GRIA3: variants seen among roughly 807,000 people sequenced by gnomAD.
GRIA3 encodes the protein glutamate receptor 3.
Under a neutral mutation model 63.0 loss-of-function variants are expected in GRIA3, and 3 were observed. The ratio of observed to expected loss-of-function variants is 0.05; its 90% CI spans 0.02 to 0.12. The LOEUF (loss-of-function observed/expected upper bound fraction) is 0.12. Among genes scored for constraint, GRIA3 ranks in the 10% least tolerant of loss-of-function variants. The probability of loss-of-function intolerance (pLI) is 1.00; values close to 1 mark genes in which losing one functional copy is unlikely to be tolerated. For synonymous variants in GRIA3, 274 were observed against 257.9 expected (o/e 1.06, Z -0.60); for missense variants, 347 against 700.9 (o/e 0.50, Z 5.70).
At chrX:123,279,455 C>T (rs1335075937) in intron 3 of GRIA3, among the ~76,000 whole-genome samples, 2 of 111,966 alleles carry the variant, frequency 1.8e-5, no homozygotes, top group Non-Finnish European at 3.8e-5. Flanking sequence ...TTCAAAACAT[C>T]ATGTTGTACA....
At chrX:123,314,152 A>G (rs1270931686) in intron 3 of GRIA3, among the ~76,000 whole-genome samples, 1 of 112,174 alleles carries the variant, frequency 8.9e-6, no homozygotes, top group African/African-American at 3.2e-5. Context: ...GTCACTCACT[A>G]CTTGCTCTCT....
chrX:123,424,506 C>T (rs2045580330), intron 11 of GRIA3, among the ~76,000 whole-genome samples: 1 of 111,708 alleles, frequency 9.0e-6, no homozygotes, highest in African/African-American at 3.2e-5. Flanking sequence ...TGAATGCAAG[C>T]TTGTGCATTC....
chrX:123,313,254 G>T (rs762241940), intron 3 of GRIA3, among the ~76,000 whole-genome samples: 3 of 111,418 alleles, frequency 2.7e-5, no homozygotes, highest in Non-Finnish European at 5.6e-5. Flanking sequence ...TGTGAGTTTT[G>T]AACCCCATTT....
chrX:123,211,390 G>T (rs376937179), intron 2 of GRIA3, among the ~76,000 whole-genome samples: 6 of 111,280 alleles, frequency 5.4e-5, no homozygotes, highest in African/African-American at 2.0e-4. Context: ...GATCCCAAGG[G>T]TATACAATAA....
chrX:123,344,563 G>A (rs2147344025), intron 4 of GRIA3, among the ~76,000 whole-genome samples: 1 of 111,891 alleles, frequency 8.9e-6, no homozygotes, highest in Non-Finnish European at 1.9e-5. Context: ...TCTTCTCCCT[G>A]TCTCATTTCC....
chrX:123,397,189 TA>T (rs754876850), intron 6 of GRIA3, among the ~76,000 whole-genome samples: 76 of 112,150 alleles, frequency 6.8e-4, no homozygotes, highest in South Asian at 1.1e-3. Flanking sequence ...TAAATAACTT[TA>T]AAAAATTGAA....
chrX:123,347,340 A>T (rs1460533283), intron 4 of GRIA3, among the ~76,000 whole-genome samples: 2 of 112,453 alleles, frequency 1.8e-5, no homozygotes, highest in Non-Finnish European at 3.8e-5. Context: ...CACTTAAATG[A>T]CATGGCTCCC....
At chrX:123,441,273 A>T (rs1049820572) in intron 12 of GRIA3, among the ~76,000 whole-genome samples, 6 of 112,111 alleles carry the variant, frequency 5.4e-5, no homozygotes, top group African/African-American at 1.9e-4. Context: ...TAGTGTTCAC[A>T]TTAAGATTTG....
At chrX:123,323,129 G>A (rs1263390009) in intron 3 of GRIA3, among the ~76,000 whole-genome samples, 2 of 111,368 alleles carry the variant, frequency 1.8e-5, no homozygotes, top group Non-Finnish European at 3.8e-5. Flanking sequence ...TCTTGTAAAA[G>A]GGCCAAATTT....
chrX:123,477,627 G>T (rs1019838449), intron 13 of GRIA3, among the ~76,000 whole-genome samples: 1 of 111,743 alleles, frequency 8.9e-6, no homozygotes, highest in East Asian at 2.8e-4. Flanking sequence ...TTGATGAAAG[G>T]GTTTCAGGGA....
chrX:123,477,299 T>C (rs2045891547), intron 13 of GRIA3, among the ~76,000 whole-genome samples: 1 of 112,723 alleles, frequency 8.9e-6, no homozygotes, highest in East Asian at 2.7e-4. Context: ...AAATTGTTCA[T>C]GTATTCATTG....
intron 3 of GRIA3, among the ~76,000 whole-genome samples, chrX:123,272,176 T>A (rs2044528074): frequency 9.0e-6 from 1 of 111,375 alleles, no homozygotes; most frequent in South Asian, 3.9e-4. Flanking sequence ...AAGGGCAAAG[T>A]AGGTATAGTC....
chrX:123,260,440 GAAAGAAAGAAAGAAAGAAAGGAAGGAA>G (rs2044447934), intron 3 of GRIA3, among the ~76,000 whole-genome samples: 1 of 11,711 alleles, frequency 8.5e-5, no homozygotes, highest in Non-Finnish European at 2.0e-4. Flanking sequence ...AAGAAAGAAA[GAAAGAAAGAAAGAAAGAAAGGAAGGAA>G]GAAGAAAGGA....
At chrX:123,402,005 T>TTCATA (rs1162438472) in intron 7 of GRIA3, among the ~76,000 whole-genome samples, 3 of 111,723 alleles carry the variant, frequency 2.7e-5, no homozygotes, top group African/African-American at 9.7e-5. Context: ...CTCTTGCTAA[T>TTCATA]TCATAATACT....
At chrX:123,360,867 A>T (rs867122247) in intron 5 of GRIA3, among the ~76,000 whole-genome samples, 2,334 of 91,464 alleles carry the variant, frequency 0.026, 82 homozygotes, top group African/African-American at 0.079. Flanking sequence ...ACACACACAC[A>T]CACACACACA....
chrX:123,217,077 C>G (rs966978518), intron 2 of GRIA3, among the ~76,000 whole-genome samples: 2 of 111,585 alleles, frequency 1.8e-5, no homozygotes, highest in Non-Finnish European at 3.8e-5. Flanking sequence ...CCTGTCCCCC[C>G]GGTAGTGTTC....
rs754949364 is a variant in GRIA3, at chrX:123,264,964, A to G, written c.508+11422A>G. ...GCTGTGTAATCCTGGGCAAGTCACA[A>G]TAGCTTTTCTGGTCCTCAGATTCCA... On this transcript the variant is annotated intron_variant, in intron 3 of 15. Coordinates refer to ENST00000620443, the MANE Select transcript of GRIA3 (RefSeq NM_007325.5). Among the ~76,000 whole-genome samples, 7 of 111,523 alleles carry G rather than the reference A, an allele frequency of 6.3e-5. No individual in the cohort carries two copies. The East Asian group carries it at 2.0e-3, about 32-fold the overall frequency.
Position 123,348,260 on chromosome X carries a change from T to A in GRIA3, c.697-6650T>A, listed in dbSNP as rs751206874. Among the ~76,000 whole-genome samples, 8 of 111,860 alleles carry A rather than the reference T, an allele frequency of 7.2e-5. No individual in the cohort carries two copies. The South Asian group carries it at 3.0e-3, about 42-fold the overall frequency. ...TATTAAAACCAAACATTGTTGTGAA[T>A]GTGAATATAGAAATATATAAATAGT... On this transcript the variant is annotated intron_variant, in intron 4 of 15. Transcript: ENST00000620443.
At chrX:123,188,807 G>A (rs1927345923) in intron 2 of GRIA3, among the ~76,000 whole-genome samples, 1 of 112,028 alleles carries the variant, frequency 8.9e-6, no homozygotes, top group African/African-American at 3.3e-5. Context: ...TTTCTAGGGT[G>A]TAGGTGTGCA....
Sources: allele counts gnomAD v4.1 joint callset (sites outside exome capture counted in the v4.1 genomes callset), GRCh38; gene constraint gnomAD v4.1.1; transcripts MANE v1.5; gene names NCBI Gene and HGNC (gene_info 2026-07-23, HGNC 2026-07-21).